ST6GAL2: variants seen among roughly 807,000 people sequenced by gnomAD.
ST6GAL2 encodes beta-galactoside alpha-2,6-sialyltransferase 2.
ST6GAL2 carries 24 observed loss-of-function variants against 37.5 expected under a neutral mutation model. That is an observed-to-expected ratio of 0.64 (90% CI 0.46 to 0.90). The LOEUF is 0.90. ST6GAL2 is among the 40% of genes least tolerant of loss of function. The pLI, the probability that ST6GAL2 is intolerant of heterozygous loss-of-function variation, is 0.00. For missense variants in ST6GAL2, 715 were observed against 712.7 expected (o/e 1.00, Z -0.04); for synonymous variants, 306 against 295.1 (o/e 1.04, Z -0.38).
At position 106,806,665 on chromosome 2, in the gene ST6GAL2, C is replaced by A; in HGVS notation, c.*13G>T. The A allele has an allele frequency of 6.2e-7, 1 of 1,610,466 alleles. No individual in the cohort carries two copies. The highest frequency in any genetic ancestry group is 1.1e-5 in the South Asian group (1 of 90,778). ...TAGTACCTTATTGCACATTGATTCC[C>A]AAGAAACCCTTTTTAAGAGTGTGGA... is the stretch of plus-strand genomic sequence containing the variant. On this transcript the variant is annotated 3_prime_UTR_variant, in exon 6 of 6. Coordinates refer to ENST00000409382, the MANE Select transcript of ST6GAL2 (RefSeq NM_001142351.2).
chr2:106,869,473 T>C (rs1359664416), intron 1 of ST6GAL2, among the ~76,000 whole-genome samples: 1 of 152,054 alleles, frequency 6.6e-6, no homozygotes, highest in Non-Finnish European at 1.5e-5. Context: ...ACTGCTCCCA[T>C]CCTAGGAAGC....
intron 2 of ST6GAL2, among the ~76,000 whole-genome samples, chr2:106,838,104 G>C (rs1324332577): frequency 6.6e-6 from 1 of 152,210 alleles, no homozygotes; most frequent in Non-Finnish European, 1.5e-5. Context: ...ATAATGCACT[G>C]TGAGAATAGA....
At chr2:106,855,035 G>C (rs906988974) in intron 1 of ST6GAL2, among the ~76,000 whole-genome samples, 1 of 151,894 alleles carries the variant, frequency 6.6e-6, no homozygotes, top group Non-Finnish European at 1.5e-5. Context: ...GTGTTAATGA[G>C]CTTATTATAA....
At chr2:106,814,186 C>T (rs1251015231) in intron 5 of ST6GAL2, among the ~76,000 whole-genome samples, 1 of 152,146 alleles carries the variant, frequency 6.6e-6, no homozygotes, top group Non-Finnish European at 1.5e-5. Flanking sequence ...TTATCACACA[C>T]TCAGGATTCA....
rs184654704 is a variant in ST6GAL2 at position 106,872,333 on chromosome 2, T to C, written c.-58+13760A>G. ...GGCCAAACCTGAGTTTGTGCTTATG[T>C]TGTGGAAATCAGGAACAGCCTCAGG... On this transcript the variant is annotated intron_variant, in intron 1 of 5. Transcript: ENST00000409382. Among the ~76,000 whole-genome samples, 138 of 152,332 alleles carry C rather than the reference T, an allele frequency of 9.1e-4. No homozygotes were observed. The Middle Eastern group carries it at 0.01, about 11-fold the overall frequency.
At chr2:106,847,694 C>T (rs1023320260) in intron 1 of ST6GAL2, among the ~76,000 whole-genome samples, 8 of 152,076 alleles carry the variant, frequency 5.3e-5, no homozygotes, top group African/African-American at 1.4e-4. Context: ...CCTTCAGGTT[C>T]GATAATTTGC....
At chr2:106,852,846 G>C (rs992428624) in intron 1 of ST6GAL2, among the ~76,000 whole-genome samples, 37 of 152,312 alleles carry the variant, frequency 2.4e-4, no homozygotes, top group African/African-American at 8.2e-4. Flanking sequence ...AGGTATCCCA[G>C]GCTGCCACTG....
intron 1 of ST6GAL2, among the ~76,000 whole-genome samples, chr2:106,852,288 C>G (rs1231889058): frequency 6.6e-6 from 1 of 152,214 alleles, no homozygotes; most frequent in East Asian, 1.9e-4. Context: ...GAAGGGCAGC[C>G]CCCCTGCAGG....
chr2:106,885,908 C>T (rs1001887010), intron 1 of ST6GAL2, 185 bp downstream of exon 1: 3 of 152,350 alleles, frequency 2.0e-5, no homozygotes, highest in African/African-American at 7.2e-5. Context: ...CGCCCGTCCC[C>T]AAAGCGCAAG....
rs1558668378 is a variant in ST6GAL2 at position 106,803,618 on chromosome 2, CAA to C, written c.*3058_*3059del. On this transcript the variant is annotated 3_prime_UTR_variant, in exon 6 of 6. Transcript: ENST00000409382. ...CTCAAAATTTGTTTCTTTGTAACAA[CAA>C]CAACAACAACAACAACAACAACAAC... 1.1e-4 allele frequency: 9 copies of C among 80,684 alleles called. No homozygotes were observed. The highest frequency in any genetic ancestry group is 2.0e-4 in the Non-Finnish European group (8 of 40,508). 5.0% of individuals were successfully genotyped at this position (80,684 alleles called of 1,614,324 possible).
intron 1 of ST6GAL2, among the ~76,000 whole-genome samples, chr2:106,857,561 G>A (rs1338305640): frequency 1.3e-5 from 2 of 152,102 alleles, no homozygotes; most frequent in Non-Finnish European, 2.9e-5. Context: ...CTGAGATTGT[G>A]CCACTGCACT....
intron 5 of ST6GAL2, among the ~76,000 whole-genome samples, chr2:106,807,465 A>T (rs905975352): frequency 6.6e-6 from 1 of 152,222 alleles, no homozygotes; most frequent in Non-Finnish European, 1.5e-5. Context: ...ATCAGCTCTT[A>T]TACTATAGTT....
At position 106,843,256 on chromosome 2, in the gene ST6GAL2, T is replaced by C; in HGVS notation, c.722A>G (p.Lys241Arg). 1 of 1,597,780 alleles carries C rather than the reference T, an allele frequency of 6.3e-7. No homozygotes were observed. Among genetic ancestry groups the C allele is most frequent in the Non-Finnish European group, 8.5e-7 (1 of 1,171,854 alleles). Reference protein sequence around the residue: ...ANKHGVRFRGKREAGLSRAQL... With the variant: ...ANKHGVRFRGRREAGLSRAQL... ...TGCCCTGCTCAGCCCGGCCTCCCGC[T>C]TCCCGCGGAAGCGCACCCCGTGCTT... Residue 241 changes from lysine (K) to arginine (R), a missense_variant, in exon 2 of 6, where the codon AAG (lysine) becomes AGG (arginine). By Grantham distance (26) the Lys-to-Arg change is conservative. Around this residue, in one of 3 missense-constraint regions of ST6GAL2, gnomAD observed 512 missense variants for 488.8 expected, o/e 1.05. Transcript: ENST00000409382.
At chr2:106,875,447 G>A (rs1034107423) in intron 1 of ST6GAL2, among the ~76,000 whole-genome samples, 5 of 151,894 alleles carry the variant, frequency 3.3e-5, no homozygotes, top group Admixed American at 3.3e-4. Flanking sequence ...CAAAGTGCTG[G>A]GATTACAGGC....
At chr2:106,861,706 C>T (rs911580646) in intron 1 of ST6GAL2, among the ~76,000 whole-genome samples, 14 of 151,766 alleles carry the variant, frequency 9.2e-5, no homozygotes, top group African/African-American at 3.4e-4. Context: ...TCTCGGCTAA[C>T]TTCAACCTGT....
intron 5 of ST6GAL2, among the ~76,000 whole-genome samples, chr2:106,810,390 T>A (rs368556649): frequency 1.3e-5 from 2 of 152,198 alleles, no homozygotes; most frequent in East Asian, 3.9e-4. Context: ...ATAGATCCTA[T>A]GAAAGTGGGT....
At chr2:106,870,173 C>T (rs1678205777) in intron 1 of ST6GAL2, among the ~76,000 whole-genome samples, 1 of 152,102 alleles carries the variant, frequency 6.6e-6, no homozygotes, top group South Asian at 2.1e-4. Context: ...ATTCTTCCCA[C>T]CCTTCATTGG....
At chr2:106,849,107 G>A (rs1677256546) in intron 1 of ST6GAL2, among the ~76,000 whole-genome samples, 1 of 152,182 alleles carries the variant, frequency 6.6e-6, no homozygotes, top group African/African-American at 2.4e-5. Context: ...TGCAGTTGGT[G>A]CTTTCCCAGG....
At chr2:106,841,156 A>G (rs1310293652) in intron 2 of ST6GAL2, 1 of 152,128 alleles carries the variant, frequency 6.6e-6, no homozygotes, top group Non-Finnish European at 1.5e-5. Flanking sequence ...AACTTTAAAA[A>G]TATTTCTCAT....
Sources: gnomAD v4.1 joint callset for allele counts (sites outside exome capture counted in the v4.1 genomes callset) on GRCh38, gnomAD v4.1.1 for gene constraint, gnomAD v4.1.1 regional missense constraint, MANE v1.5 for transcripts, NCBI Gene and HGNC (gene_info 2026-07-23, HGNC 2026-07-21) for gene names.